The following PTPRJ variants were observed in gnomAD, a reference collection of about 807,000 sequenced individuals.
PTPRJ encodes the protein protein tyrosine phosphatase receptor type J.
A neutral mutation model predicts 141.3 loss-of-function variants in PTPRJ; 129 were observed. The ratio of observed to expected loss-of-function variants is 0.91; its 90% CI spans 0.79 to 1.06. PTPRJ has a LOEUF of 1.06. Among genes scored for constraint, PTPRJ ranks in the 50% least tolerant of loss-of-function variants. The probability of loss-of-function intolerance (pLI) is 0.00; values close to 1 mark genes in which losing one functional copy is unlikely to be tolerated. For synonymous variants in PTPRJ, 610 were observed against 640.5 expected (o/e 0.95, Z 0.72); for missense variants, 1,601 against 1,679.7 (o/e 0.95, Z 0.82).
intron 22 of PTPRJ, 117 bp downstream of exon 22, chr11:48,160,166 G>A (rs1857732176): frequency 1.4e-6 from 2 of 1,423,306 alleles, no homozygotes; most frequent in Admixed American, 1.8e-5. Flanking sequence ...GAAATGTTTT[G>A]CTGCTTTCCT....
At chr11:48,152,768 T>G (rs1857515107) in intron 18 of PTPRJ, among the ~76,000 whole-genome samples, 1 of 152,218 alleles carries the variant, frequency 6.6e-6, no homozygotes, top group South Asian at 2.1e-4. Context: ...AGGGCTCTGT[T>G]CTGTTCCATT....
intron 6 of PTPRJ, 150 bp downstream of exon 6, chr11:48,125,336 C>T: frequency 1.3e-6 from 1 of 782,698 alleles, no homozygotes; most frequent in Non-Finnish European, 2.1e-6. Context: ...CAGAGCAGAT[C>T]TGCTCAGTTT....
intron 22 of PTPRJ, among the ~76,000 whole-genome samples, chr11:48,163,061 G>A (rs1237988729): frequency 2.0e-5 from 3 of 152,130 alleles, no homozygotes; most frequent in Non-Finnish European, 4.4e-5. Flanking sequence ...TTCCCAGGGG[G>A]GCTCGGGGAT....
chr11:48,026,764 G>C (rs926623517), intron 1 of PTPRJ, among the ~76,000 whole-genome samples: 2 of 151,598 alleles, frequency 1.3e-5, no homozygotes, highest in African/African-American at 4.9e-5. Flanking sequence ...AGGTTCTTTA[G>C]TGGTGATTTG....
intron 1 of PTPRJ, among the ~76,000 whole-genome samples, chr11:47,995,009 CT>C (rs779653711): frequency 6.6e-6 from 1 of 152,176 alleles, no homozygotes; most frequent in East Asian, 1.9e-4. Context: ...ACGTTTCCCC[CT>C]GCCAGTAAAT....
At chr11:48,043,859 G>T (rs1003118078) in intron 1 of PTPRJ, among the ~76,000 whole-genome samples, 4 of 152,146 alleles carry the variant, frequency 2.6e-5, no homozygotes, top group Non-Finnish European at 5.9e-5. Flanking sequence ...GAGGAAGCGG[G>T]GGTTTAAAGG....
intron 1 of PTPRJ, among the ~76,000 whole-genome samples, chr11:48,071,721 G>A (rs1855261490): frequency 1.4e-5 from 2 of 144,316 alleles, no homozygotes; most frequent in African/African-American, 5.1e-5. Flanking sequence ...CAATTCTCCT[G>A]CCTCAGCCTC....
At chr11:48,058,218 T>A (rs879487954) in intron 1 of PTPRJ, among the ~76,000 whole-genome samples, 33 of 151,952 alleles carry the variant, frequency 2.2e-4, no homozygotes, top group Non-Finnish European at 4.4e-4. Flanking sequence ...AGCCTTTTTT[T>A]AAAACAAAAC....
chr11:48,004,724 C>T (rs767011204), intron 1 of PTPRJ, among the ~76,000 whole-genome samples: 15 of 152,024 alleles, frequency 9.9e-5, no homozygotes, highest in South Asian at 4.1e-4. Context: ...AGGGTGTTTG[C>T]GGCAAGGTAG....
At chr11:47,989,158 C>T (rs1384603412) in intron 1 of PTPRJ, among the ~76,000 whole-genome samples, 4 of 151,886 alleles carry the variant, frequency 2.6e-5, no homozygotes, top group Admixed American at 2.6e-4. Context: ...GCTGGGATTA[C>T]AGGTGTGAGC....
At chr11:48,005,072 A>C (rs1025676972) in intron 1 of PTPRJ, among the ~76,000 whole-genome samples, 1 of 149,926 alleles carries the variant, frequency 6.7e-6, no homozygotes, top group East Asian at 1.9e-4. Flanking sequence ...AAATACAAAA[A>C]TTAGCCAGGC....
chr11:48,046,788 G>C (rs1325226794), intron 1 of PTPRJ, among the ~76,000 whole-genome samples: 1 of 151,438 alleles, frequency 6.6e-6, no homozygotes, highest in African/African-American at 2.4e-5. Context: ...CAGAGAGGCT[G>C]GGTAACTTAT....
At chr11:48,067,567 C>G (rs1312043415) in intron 1 of PTPRJ, among the ~76,000 whole-genome samples, 2 of 152,030 alleles carry the variant, frequency 1.3e-5, no homozygotes, top group Non-Finnish European at 2.9e-5. Context: ...TTTTTCTTTC[C>G]CCCTGGATTT....
intron 1 of PTPRJ, among the ~76,000 whole-genome samples, chr11:48,090,859 G>C (rs1855852201): frequency 6.6e-6 from 1 of 152,060 alleles, no homozygotes; most frequent in East Asian, 1.9e-4. Context: ...TCTCCACTGT[G>C]AGTCATTCAG....
At chr11:48,078,795 GTTTTTTTTTTTTTT>G (rs55980751) in intron 1 of PTPRJ, among the ~76,000 whole-genome samples, 5 of 96,274 alleles carry the variant, frequency 5.2e-5, no homozygotes, top group African/African-American at 2.0e-4. Context: ...TCTGTAAATA[GTTTTTTTTTTTTTT>G]TTTTTTTTTT....
At chr11:48,042,086 A>T (rs1181435241) in intron 1 of PTPRJ, among the ~76,000 whole-genome samples, 1 of 152,118 alleles carries the variant, frequency 6.6e-6, no homozygotes, top group African/African-American at 2.4e-5. Flanking sequence ...TATTGAATCA[A>T]TAAAGATACA....
intron 1 of PTPRJ, among the ~76,000 whole-genome samples, chr11:48,052,951 C>T (rs1854614043): frequency 6.6e-6 from 1 of 150,818 alleles, no homozygotes; most frequent in Admixed American, 6.7e-5. Context: ...TGCTGAGGAC[C>T]CTGGTGTGGA....
intron 1 of PTPRJ, among the ~76,000 whole-genome samples, chr11:47,986,206 C>T (rs1047005032): frequency 2.0e-5 from 3 of 152,178 alleles, no homozygotes; most frequent in African/African-American, 7.2e-5. Context: ...GCTTATATTT[C>T]TTTGGGGCCT....
chr11:47,996,149 C>T (rs1427875476), intron 1 of PTPRJ, among the ~76,000 whole-genome samples: 7 of 151,004 alleles, frequency 4.6e-5, no homozygotes, highest in Non-Finnish European at 8.8e-5. Context: ...CTGGCTAACA[C>T]GGTGAAACCC....
Sources: allele counts gnomAD v4.1 joint callset (sites outside exome capture counted in the v4.1 genomes callset), GRCh38; gene constraint gnomAD v4.1.1; transcripts MANE v1.5; gene names NCBI Gene and HGNC (gene_info 2026-07-23, HGNC 2026-07-21).